Variants in STYK1 observed in about 807,000 individuals in gnomAD.
STYK1 encodes STY kinase 1.
Under a neutral mutation model 48.1 loss-of-function variants are expected in STYK1, and 46 were observed. The observed-to-expected ratio is 0.96, with a 90% CI of 0.75 to 1.22. The LOEUF is 1.22. Among genes scored for constraint, STYK1 ranks in the 50% most tolerant of loss-of-function variants. The probability of loss-of-function intolerance (pLI) is 0.00; values close to 1 mark genes in which losing one functional copy is unlikely to be tolerated. For missense variants in STYK1, 527 were observed against 521.1 expected, an observed-to-expected ratio of 1.01 and a Z score of -0.11; for synonymous variants, 188 against 189.0, an observed-to-expected ratio of 0.99 and a Z score of 0.04.
At position 10,672,763 on chromosome 12, in the gene STYK1, T is replaced by C. The variant is rs1947903618; in HGVS notation, c.-195+1203A>G. ...AAGCCATGCAGTTTGTGGTACCTTG[T>C]TACAGCAGCCCTAGCAAACTCACAC... On this transcript the variant is annotated intron_variant, in intron 1 of 10. Coordinates refer to ENST00000075503, the MANE Select transcript of STYK1 (RefSeq NM_018423.3). This position sits in a 1 kb window ranked among gnomAD's most constrained non-coding sequence, Gnocchi z 4.0. Among the ~76,000 whole-genome samples, 1 of 152,190 alleles carries C rather than the reference T, an allele frequency of 6.6e-6. No individual in the cohort carries two copies. The highest frequency in any genetic ancestry group is 6.5e-5 in the Admixed American group (1 of 15,286).
chr12:10,639,921 C>T (rs1057004359), intron 1 of STYK1, among the ~76,000 whole-genome samples: 5 of 152,178 alleles, frequency 3.3e-5, no homozygotes, highest in Admixed American at 3.3e-4. Flanking sequence ...TACTAACATA[C>T]ACTCAATTTG....
rs543341670 is a variant in STYK1, at chr12:10,632,317, G to A, written c.188-1009C>T. On this transcript the variant is annotated intron_variant, in intron 4 of 10. Transcript: ENST00000075503. The stretch of plus-strand genomic sequence containing the variant: ...ATGAGATAACATTTGAGAAAGGCCT[G>A]GAAGCAACTAGGGAGCAAACCATGC... Among the ~76,000 whole-genome samples the A allele has an allele frequency of 1.0e-3, 155 of 152,324 alleles. 4 individuals are homozygous for A. The South Asian group carries it at 0.031, about 31-fold the overall frequency.
chr12:10,656,304 A>G (rs1392819922), intron 1 of STYK1, among the ~76,000 whole-genome samples: 1 of 150,776 alleles, frequency 6.6e-6, no homozygotes, highest in Non-Finnish European at 1.5e-5. Context: ...GTCCAGTCTC[A>G]GGTATGTCTT....
chr12:10,641,324 T>C (rs1235921256), intron 1 of STYK1, among the ~76,000 whole-genome samples: 2 of 152,232 alleles, frequency 1.3e-5, no homozygotes, highest in East Asian at 3.8e-4. Flanking sequence ...GACCTTGCAT[T>C]TCCAAGGATC....
intron 1 of STYK1, among the ~76,000 whole-genome samples, chr12:10,656,333 G>A (rs1591699114): frequency 6.6e-6 from 1 of 151,968 alleles, no homozygotes; most frequent in African/African-American, 2.4e-5. Context: ...GCATGAAAAT[G>A]GATGAATACA....
chr12:10,663,123 AT>A (rs1244929210), intron 1 of STYK1, among the ~76,000 whole-genome samples: 1 of 152,118 alleles, frequency 6.6e-6, no homozygotes, highest in African/African-American at 2.4e-5. Context: ...TTTCAGCCTT[AT>A]TATTACTAGA....
In STYK1 at chr12:10,634,566, C is replaced by T. The variant is rs149787345; in HGVS notation, c.52+1G>A. ...TAGACATCTGTGGAATCCGTACTTACCACACAACTTGTCACTGAGACTGCA... is the reference window on the plus strand; with the variant it reads ...TAGACATCTGTGGAATCCGTACTTATCACACAACTTGTCACTGAGACTGCA... On this transcript the variant is annotated splice_donor_variant, in intron 3 of 10. Coordinates refer to ENST00000075503, the MANE Select transcript of STYK1 (RefSeq NM_018423.3). LOFTEE classifies it high-confidence loss of function. The T allele has an allele frequency of 1.2e-6, 2 of 1,613,960 alleles. No homozygotes were observed. Among genetic ancestry groups the T allele is most frequent in the Non-Finnish European group, 1.7e-6 (2 of 1,179,970 alleles).
chr12:10,634,681 T>C lies in STYK1; in HGVS notation c.-63A>G. The stretch of plus-strand genomic sequence containing the variant: ...AGAATGCACACAGCACAGCTGTGAG[T>C]AATTCCTAAGGATTGAGTGGTTTTT... On this transcript the variant is annotated 5_prime_UTR_variant, in exon 3 of 11. Coordinates refer to ENST00000075503, the MANE Select transcript of STYK1 (RefSeq NM_018423.3). 2 of 1,563,374 alleles carry C rather than the reference T, an allele frequency of 1.3e-6. No individual in the cohort carries two copies. Among genetic ancestry groups the C allele is most frequent in the Non-Finnish European group, 1.8e-6 (2 of 1,140,626 alleles).
chr12:10,650,035 A>G (rs1427190215), intron 1 of STYK1, among the ~76,000 whole-genome samples: 1 of 145,780 alleles, frequency 6.9e-6, no homozygotes, highest in Non-Finnish European at 1.5e-5. Context: ...AATGGCATCA[A>G]CCCAAGGCGG....
intron 1 of STYK1, among the ~76,000 whole-genome samples, chr12:10,665,608 A>C (rs1179584883): frequency 6.6e-6 from 1 of 152,158 alleles, no homozygotes; most frequent in Non-Finnish European, 1.5e-5. Flanking sequence ...GGCCCTTGCA[A>C]TTCACAATGT....
chr12:10,643,046 A>C (rs1947562195), intron 1 of STYK1, among the ~76,000 whole-genome samples: 1 of 151,936 alleles, frequency 6.6e-6, no homozygotes, highest in South Asian at 2.1e-4. Flanking sequence ...TCTTCATCCT[A>C]TTTATCTTAC....
intron 8 of STYK1, 71 bp downstream of exon 8, chr12:10,624,580 A>G (rs929091069): frequency 7.1e-6 from 10 of 1,408,024 alleles, no homozygotes; most frequent in Non-Finnish European, 1.0e-5. Context: ...TTGGCAACAG[A>G]TCAAATCATA....
Position 10,649,974 on chromosome 12 carries a change from C to T in STYK1, c.-194-12778G>A, listed in dbSNP as rs372340630. 5.7e-4 allele frequency among the ~76,000 whole-genome samples: 87 copies of T among 151,786 alleles called. 2 individuals carry two copies. The South Asian group carries it at 0.018, about 31-fold the overall frequency. On this transcript the variant is annotated intron_variant, in intron 1 of 10. Transcript: ENST00000075503. Reference sequence around the variant, plus strand: ...AAAAAATACAAAAAAATTAGCCAGGCGTGGTGGCGGGCCCCTGTAGTCCCA... The same window carrying T: ...AAAAAATACAAAAAAATTAGCCAGGTGTGGTGGCGGGCCCCTGTAGTCCCA...
Position 10,672,244 on chromosome 12 carries a change from C to T in STYK1, c.-195+1722G>A, listed in dbSNP as rs913883656. On this transcript the variant is annotated intron_variant, in intron 1 of 10. Transcript: ENST00000075503. This position sits in a 1 kb window ranked among gnomAD's most constrained non-coding sequence, Gnocchi z 4.0. Reference sequence around the variant, plus strand: ...GTTTAAGCCAGAGGTCACCAACACCCGGGGCGCCGACAGGTACGGGGTGCA... The same window carrying T: ...GTTTAAGCCAGAGGTCACCAACACCTGGGGCGCCGACAGGTACGGGGTGCA... Among the ~76,000 whole-genome samples, 1 of 152,134 alleles carries T rather than the reference C, an allele frequency of 6.6e-6. No individual in the cohort carries two copies. The highest frequency in any genetic ancestry group is 1.5e-5 in the Non-Finnish European group (1 of 68,026).
intron 6 of STYK1, among the ~76,000 whole-genome samples, chr12:10,628,430 T>A (rs1030378316): frequency 6.6e-6 from 1 of 152,168 alleles, no homozygotes; most frequent in Non-Finnish European, 1.5e-5. Context: ...GAAATAGAGA[T>A]GCGTGGTATT....
At chr12:10,661,963 A>G (rs1565573970) in intron 1 of STYK1, among the ~76,000 whole-genome samples, 1 of 152,166 alleles carries the variant, frequency 6.6e-6, no homozygotes, top group South Asian at 2.1e-4. Context: ...ACCTTATTTT[A>G]GAATATTTCC....
Position 10,634,510 on chromosome 12 carries a change from C to A in STYK1, c.52+57G>T, listed in dbSNP as rs567134697. On this transcript the variant is annotated intron_variant, in intron 3 of 10. Transcript: ENST00000075503. ...ATCCTCCTTCTAGAATCTACCGAGA[C>A]CTTAGCCTTCATAATTCTAAAATCA... 6.6e-5 allele frequency: 103 copies of A among 1,548,874 alleles called. No individual in the cohort carries two copies. The Middle Eastern group carries it at 6.7e-4, about 10-fold the overall frequency.
At chr12:10,624,064 T>A (rs1947328306) in intron 8 of STYK1, among the ~76,000 whole-genome samples, 1 of 151,850 alleles carries the variant, frequency 6.6e-6, no homozygotes, top group Non-Finnish European at 1.5e-5. Context: ...AGTCCTCAGA[T>A]ATTGATGTGA....
intron 1 of STYK1, among the ~76,000 whole-genome samples, chr12:10,649,914 C>A (rs529090252): frequency 6.6e-6 from 1 of 152,024 alleles, no homozygotes; most frequent in East Asian, 1.9e-4. Context: ...AGATCGAGAC[C>A]ATCCTGGCTA....
Sources: gnomAD v4.1 joint callset for allele counts (sites outside exome capture counted in the v4.1 genomes callset) on GRCh38, gnomAD v4.1.1 for gene constraint, Gnocchi (gnomAD v3.1) non-coding constraint, MANE v1.5 for transcripts, NCBI Gene and HGNC (gene_info 2026-07-23, HGNC 2026-07-21) for gene names.